FAM149B1: variants seen among roughly 807,000 people sequenced by gnomAD.
The protein encoded by FAM149B1 is primary cilium assembly protein FAM149B1.
Under a neutral mutation model 75.3 loss-of-function variants are expected in FAM149B1, and 56 were observed. The ratio of observed to expected loss-of-function variants is 0.74; its 90% confidence interval spans 0.60 to 0.93. The LOEUF is 0.93. Among genes scored for constraint, FAM149B1 ranks in the 40% least tolerant of loss-of-function variants. FAM149B1 has a pLI of 0.00. For synonymous variants in FAM149B1, 259 were observed against 256.1 expected (o/e 1.01, Z -0.11); for missense variants, 639 against 708.4 (o/e 0.90, Z 1.11).
At position 73,197,015 on chromosome 10, in the gene FAM149B1, G is replaced by GT. The variant is rs1229677146; in HGVS notation, c.542+3428dup. ...CCTTTTCTTTTTGGTTTTGTTTTTT[G>GT]TTTTTTGAGACAGGGTCTTACTCTG... On this transcript the variant is annotated intron_variant, in intron 5 of 13. Transcript: ENST00000242505. 3.9e-5 allele frequency among the ~76,000 whole-genome samples: 6 copies of GT among 152,148 alleles called. No homozygotes were observed. In the South Asian group the frequency reaches 1.0e-3, roughly 26 times the overall value.
intron 5 of FAM149B1, chr10:73,201,275 CA>C (rs143973024): frequency 0.034 from 7,701 of 225,710 alleles, 535 homozygotes; most frequent in African/African-American, 0.15. Flanking sequence ...TGTTGTTGAA[CA>C]GACAATTACA....
chr10:73,239,246 C>G, intron 12 of FAM149B1, 66 bp from the exon 13 acceptor site: 3 of 1,360,202 alleles, frequency 2.2e-6, no homozygotes, highest in East Asian at 2.5e-5. Flanking sequence ...TTCCTGTGAA[C>G]CTGCTAAAAT....
At chr10:73,200,264 G>A (rs553300105) in intron 5 of FAM149B1, 6 of 267,946 alleles carry the variant, frequency 2.2e-5, no homozygotes, top group East Asian at 8.2e-5. Flanking sequence ...CCTGGGAGGC[G>A]GAGGTTGCAG....
intron 7 of FAM149B1, among the ~76,000 whole-genome samples, chr10:73,217,136 A>G (rs978020605): frequency 1.3e-5 from 2 of 152,192 alleles, no homozygotes; most frequent in Non-Finnish European, 2.9e-5. Flanking sequence ...ATGTGTATCA[A>G]TAATTTATTC....
In FAM149B1 at chr10:73,243,673, G is replaced by T; in HGVS notation, c.*2654G>T. Reference sequence around the variant, plus strand: ...TGTCCTACAATTGGTGTTAATAATTGTAAAACTTTGTAAATACACTTAAAA... The same window carrying T: ...TGTCCTACAATTGGTGTTAATAATTTTAAAACTTTGTAAATACACTTAAAA... On this transcript the variant is annotated 3_prime_UTR_variant, in exon 14 of 14. Coordinates refer to ENST00000242505, the MANE Select transcript of FAM149B1 (RefSeq NM_173348.2). 2 of 1,152,658 alleles carry T rather than the reference G, an allele frequency of 1.7e-6. No homozygotes were observed. Among genetic ancestry groups the T allele is most frequent in the South Asian group, 1.6e-5 (1 of 64,496 alleles). 71.4% of individuals were successfully genotyped at this position (1,152,658 alleles called of 1,614,324 possible).
intron 12 of FAM149B1, among the ~76,000 whole-genome samples, chr10:73,236,538 C>T (rs779542666): frequency 1.5e-4 from 22 of 151,700 alleles, no homozygotes; most frequent in Non-Finnish European, 2.5e-4. Flanking sequence ...CTCAGCCTCC[C>T]GAATAGCTGG....
chr10:73,217,648 G>C (rs1211618174), intron 7 of FAM149B1, among the ~76,000 whole-genome samples: 1 of 152,214 alleles, frequency 6.6e-6, no homozygotes, highest in Non-Finnish European at 1.5e-5. Flanking sequence ...GAAAGACTGA[G>C]AGCTAGTGGA....
At position 73,240,963 on chromosome 10, in the gene FAM149B1, T is replaced by A; in HGVS notation, c.1693T>A (p.Ser565Thr). The A allele has an allele frequency of 6.5e-7, 1 of 1,542,350 alleles. No homozygotes were observed. The highest frequency in any genetic ancestry group is 2.5e-5 in the East Asian group (1 of 40,682). Residue 565 changes from serine to threonine, a missense_variant, in exon 14 of 14, where the codon TCT (serine) becomes ACT (threonine). Coordinates refer to ENST00000242505, the MANE Select transcript of FAM149B1 (RefSeq NM_173348.2). ...TCTGACAGGTCCTCAGTTACATGGG[T>A]CTACAAAATCTCAAAGCGGAGGCAG... ...RGSAGPQLHGSTKSQSGGRPV... is the reference protein window; with the variant it reads ...RGSAGPQLHGTTKSQSGGRPV...
intron 12 of FAM149B1, among the ~76,000 whole-genome samples, chr10:73,238,229 C>A (rs1487158784): frequency 1.3e-5 from 2 of 152,122 alleles, no homozygotes; most frequent in Non-Finnish European, 2.9e-5. Context: ...TGCCTGTAAT[C>A]CCAGCTACTC....
chr10:73,218,642 TA>T lies in FAM149B1; in HGVS notation c.898+8207del, dbSNP rs2043344736. On this transcript the variant is annotated intron_variant, in intron 7 of 13. Transcript: ENST00000242505. The stretch of plus-strand genomic sequence containing the variant: ...GGTTTGGTTAAGAGGATCTTTGAGA[TA>T]AACCCTTAATCTCTTGAGAGAACCC... Among the ~76,000 whole-genome samples the T allele has an allele frequency of 2.0e-5, 3 of 152,166 alleles. No individual in the cohort carries two copies. The South Asian group carries it at 6.2e-4, about 32-fold the overall frequency.
intron 7 of FAM149B1, among the ~76,000 whole-genome samples, chr10:73,217,716 C>T (rs2043327938): frequency 6.6e-6 from 1 of 152,180 alleles, no homozygotes. Context: ...ATCCCATTAC[C>T]TTTACCATTA....
At chr10:73,178,710 A>G (rs1844080353) in intron 3 of FAM149B1, among the ~76,000 whole-genome samples, 1 of 152,236 alleles carries the variant, frequency 6.6e-6, no homozygotes, top group South Asian at 2.1e-4. Context: ...TCATATGTGT[A>G]GTGTCACTCT....
intron 7 of FAM149B1, among the ~76,000 whole-genome samples, chr10:73,212,729 A>G (rs2043210472): frequency 6.6e-6 from 1 of 152,188 alleles, no homozygotes; most frequent in Non-Finnish European, 1.5e-5. Context: ...CAAACAGTTT[A>G]TACAGTGTTC....
At position 73,188,549 on chromosome 10, in the gene FAM149B1, C is replaced by T. The variant is rs188188407; in HGVS notation, c.283-4007C>T. On this transcript the variant is annotated intron_variant, in intron 3 of 13. Coordinates refer to ENST00000242505, the MANE Select transcript of FAM149B1 (RefSeq NM_173348.2). ...CAGCCTGGCCAAGATGGTGAAGCCC[C>T]GTCTCTCTTAAAAATACAAAAAATT... is the stretch of plus-strand genomic sequence containing the variant. Among the ~76,000 whole-genome samples, 7 of 152,000 alleles carry T rather than the reference C, an allele frequency of 4.6e-5. No individual in the cohort carries two copies. The East Asian group carries it at 7.7e-4, about 17-fold the overall frequency.
At chr10:73,181,056 G>C (rs1227457348) in intron 3 of FAM149B1, among the ~76,000 whole-genome samples, 1 of 149,988 alleles carries the variant, frequency 6.7e-6, no homozygotes, top group Non-Finnish European at 1.5e-5. Flanking sequence ...ACCCAGGCTA[G>C]AGTGCAGTGG....
chr10:73,197,000 T>C (rs1221557502), intron 5 of FAM149B1, among the ~76,000 whole-genome samples: 1 of 152,144 alleles, frequency 6.6e-6, no homozygotes, highest in African/African-American at 2.4e-5. Flanking sequence ...CCTTTTCTTT[T>C]TGGTTTTGTT....
chr10:73,224,684 CT>C (rs2043495773), intron 7 of FAM149B1, among the ~76,000 whole-genome samples: 1 of 151,914 alleles, frequency 6.6e-6, no homozygotes, highest in African/African-American at 2.4e-5. Context: ...GTTGGCCAGG[CT>C]GGTCTCGAAC....
chr10:73,211,396 A>G (rs2043183824), intron 7 of FAM149B1, among the ~76,000 whole-genome samples: 1 of 152,128 alleles, frequency 6.6e-6, no homozygotes, highest in Non-Finnish European at 1.5e-5. Flanking sequence ...TTAGCATACA[A>G]AAAAAAACAC....
intron 12 of FAM149B1, among the ~76,000 whole-genome samples, chr10:73,236,147 A>G (rs2043815407): frequency 6.6e-6 from 1 of 152,206 alleles, no homozygotes; most frequent in Admixed American, 6.5e-5. Flanking sequence ...TTCTTCTATG[A>G]GAAGAGTGGT....
Sources: allele counts gnomAD v4.1 joint callset (sites outside exome capture counted in the v4.1 genomes callset), GRCh38; gene constraint gnomAD v4.1.1; transcripts MANE v1.5; gene names NCBI Gene and HGNC (gene_info 2026-07-23, HGNC 2026-07-21).